The following WDR35 variants were observed in gnomAD, a reference collection of about 807,000 sequenced individuals.
WDR35 encodes the protein WD repeat domain 35, also known as WD repeat-containing protein 35.
Under a neutral mutation model 158.3 loss-of-function variants are expected in WDR35, and 118 were observed. That is an observed-to-expected ratio of 0.75 (90% CI 0.64 to 0.87). The LOEUF is 0.87. Among genes scored for constraint, WDR35 ranks in the 40% least tolerant of loss-of-function variants. The probability of loss-of-function intolerance (pLI) is 0.00; values close to 1 mark genes in which losing one functional copy is unlikely to be tolerated. For synonymous variants in WDR35, 448 were observed against 476.1 expected, an observed-to-expected ratio of 0.94 and a Z score of 0.77; for missense variants, 1,263 against 1,405.8, an observed-to-expected ratio of 0.90 and a Z score of 1.62.
chr2:19,910,669 GT>G lies in WDR35; in HGVS notation c.*2888del, dbSNP rs1269057162. ...TTCTGTTTATGCAACTTCTCACCAGGTAATTGTTTTTTATGGTCAGTTTTGC... is the reference window on the plus strand; with the variant it reads ...TTCTGTTTATGCAACTTCTCACCAGGAATTGTTTTTTATGGTCAGTTTTGC... On this transcript the variant is annotated 3_prime_UTR_variant, in exon 27 of 27. Transcript: ENST00000281405. 6.6e-6 allele frequency: 1 copy of G among 152,126 alleles called. No homozygotes were observed. The highest frequency in any genetic ancestry group is 2.4e-5 in the African/African-American group (1 of 41,412). The allele number at this position is 152,126 out of a possible 1,614,324, so 9.4% of individuals were successfully genotyped here.
At chr2:19,968,548 G>A (rs1436189468) in intron 9 of WDR35, among the ~76,000 whole-genome samples, 1 of 152,104 alleles carries the variant, frequency 6.6e-6, no homozygotes, top group Non-Finnish European at 1.5e-5. Context: ...AAGTGCTCCA[G>A]CTTTGGCCAT....
chr2:19,938,342 A>G lies in WDR35; in HGVS notation c.1986T>C (p.Asp662=). Residue 662 remains aspartate (D), a synonymous_variant, in exon 18 of 27, where the codon GAT becomes GAC. Coordinates refer to ENST00000281405, the MANE Select transcript of WDR35 (RefSeq NM_020779.4). ...LINFEIRSLR[D]SRALIEKVGI... is the part of the protein sequence containing the mutation. ...CAACCTTCTCAATCAGTGCTCGGCTATCTCGCAGAGACCGAATCTCAAAGT... is the reference window on the plus strand; with the variant it reads ...CAACCTTCTCAATCAGTGCTCGGCTGTCTCGCAGAGACCGAATCTCAAAGT... The G allele has an allele frequency of 6.2e-7, 1 of 1,614,084 alleles. No homozygotes were observed. Among genetic ancestry groups the G allele is most frequent in the Non-Finnish European group, 8.5e-7 (1 of 1,180,008 alleles).
intron 25 of WDR35, among the ~76,000 whole-genome samples, chr2:19,916,460 A>C (rs1030207926): frequency 6.6e-6 from 1 of 152,180 alleles, no homozygotes; most frequent in East Asian, 1.9e-4. Flanking sequence ...TCCCACCCCC[A>C]TGGAGCCCAG....
chr2:19,917,823 A>T (rs1670034979), intron 25 of WDR35, among the ~76,000 whole-genome samples: 2 of 152,238 alleles, frequency 1.3e-5, no homozygotes, highest in Admixed American at 1.3e-4. Flanking sequence ...AACACTCTTC[A>T]GGATATTATC....
intron 10 of WDR35, among the ~76,000 whole-genome samples, chr2:19,964,379 TTC>T (rs1187472926): frequency 8.3e-6 from 1 of 121,036 alleles, no homozygotes; most frequent in East Asian, 3.0e-4. Context: ...TTCTTTTCTT[TTC>T]TTTTTTTTTT....
intron 10 of WDR35, among the ~76,000 whole-genome samples, chr2:19,963,886 G>A (rs1239874506): frequency 6.6e-6 from 1 of 152,098 alleles, no homozygotes; most frequent in East Asian, 1.9e-4. Flanking sequence ...TGGGATTACA[G>A]GCACCCGCCA....
At chr2:19,938,781 A>C (rs1366887822) in intron 17 of WDR35, among the ~76,000 whole-genome samples, 1 of 152,182 alleles carries the variant, frequency 6.6e-6, no homozygotes, top group African/African-American at 2.4e-5. Flanking sequence ...AATATTCATC[A>C]TCTCAGAACT....
In WDR35 at chr2:19,938,373, A is replaced by T; in HGVS notation, c.1955T>A (p.Leu652Gln). 1 of 1,614,000 alleles carries T rather than the reference A, an allele frequency of 6.2e-7. No homozygotes were observed. The change falls in exon 18 of 27, where the codon CTA (leucine) becomes CAA (glutamine). Residue 652 changes from leucine to glutamine, a missense_variant. Coordinates refer to ENST00000281405, the MANE Select transcript of WDR35 (RefSeq NM_020779.4). ...KDPEHPNKDYLINFEIRSLRD... is the reference protein window; with the variant it reads ...KDPEHPNKDYQINFEIRSLRD... Reference sequence around the variant, plus strand: ...CAGAGACCGAATCTCAAAGTTAATTAGGTAATCCTTGTTTGGATGTTCTGG... The same window carrying T: ...CAGAGACCGAATCTCAAAGTTAATTTGGTAATCCTTGTTTGGATGTTCTGG...
intron 2 of WDR35, 69 bp from the exon 3 acceptor site, chr2:19,982,603 T>C: frequency 1.3e-6 from 2 of 1,506,690 alleles, no homozygotes; most frequent in Non-Finnish European, 1.8e-6. Flanking sequence ...TTTTGACTCT[T>C]TTTGTATTCC....
At chr2:19,916,408 AG>A (rs1669992607) in intron 25 of WDR35, among the ~76,000 whole-genome samples, 1 of 152,196 alleles carries the variant, frequency 6.6e-6, no homozygotes, top group Non-Finnish European at 1.5e-5. Flanking sequence ...TCCCCTGGAA[AG>A]GGGGCTGAAG....
intron 14 of WDR35, 31 bp from the exon 15 acceptor site, chr2:19,946,601 T>C (rs745949717): frequency 6.4e-7 from 1 of 1,567,528 alleles, no homozygotes; most frequent in African/African-American, 1.4e-5. Context: ...TACTTAAGCA[T>C]ACGTGTATCA....
chr2:19,970,792 A>G (rs1040583293), intron 8 of WDR35, among the ~76,000 whole-genome samples: 8 of 152,036 alleles, frequency 5.3e-5, no homozygotes, highest in African/African-American at 1.9e-4. Flanking sequence ...CAGCTCCCCT[A>G]TCCTTACTGG....
At position 19,910,919 on chromosome 2, in the gene WDR35, G is replaced by A. The variant is rs1275121126; in HGVS notation, c.*2639C>T. Reference sequence around the variant, plus strand: ...GCTTTTACAAAAGTAAAAAAGATGTGCCTGTCTATATACATATGCGCGCAC... The same window carrying A: ...GCTTTTACAAAAGTAAAAAAGATGTACCTGTCTATATACATATGCGCGCAC... On this transcript the variant is annotated 3_prime_UTR_variant, in exon 27 of 27. Transcript: ENST00000281405. 6.6e-6 allele frequency: 1 copy of A among 152,152 alleles called. No individual in the cohort carries two copies. The highest frequency in any genetic ancestry group is 1.5e-5 in the Non-Finnish European group (1 of 68,028). 9.4% of individuals were successfully genotyped at this position (152,152 alleles called of 1,614,324 possible). A position where few individuals can be genotyped will look rare whatever the true frequency, so the allele number is the denominator to read the frequency against.
rs994574938 is a variant in WDR35 at position 19,910,292 on chromosome 2, A to T, written c.*3266T>A. On this transcript the variant is annotated 3_prime_UTR_variant, in exon 27 of 27. Coordinates refer to ENST00000281405, the MANE Select transcript of WDR35 (RefSeq NM_020779.4). ...TTTCTTCAATGTTTATTATTTTCGT[A>T]TTTTTTCACTTAATACTACATAAAA... The T allele has an allele frequency of 7.9e-5, 12 of 152,304 alleles. No individual in the cohort carries two copies. Among genetic ancestry groups the T allele is most frequent in the Admixed American group, 3.3e-4 (5 of 15,306 alleles). 9.4% of individuals were successfully genotyped at this position (152,304 alleles called of 1,614,324 possible).
chr2:19,985,899 G>GAAAA lies in WDR35; in HGVS notation c.142+3262_142+3265dup, dbSNP rs70939024. The stretch of plus-strand genomic sequence containing the variant: ...GCAACAGAGTGAGACCCCATCTCGG[G>GAAAA]AAAAAAAAAAAAAAAAAAAAAAAAA... On this transcript the variant is annotated intron_variant, in intron 2 of 26. Transcript: ENST00000281405. 5.6e-5 allele frequency among the ~76,000 whole-genome samples: 4 copies of GAAAA among 71,164 alleles called. 1 individual carries two copies. Among genetic ancestry groups the GAAAA allele is most frequent in the Non-Finnish European group, 5.8e-5 (2 of 34,300 alleles). 46.7% of individuals were successfully genotyped at this position (71,164 alleles called of 152,430 possible). A position where few individuals can be genotyped will look rare whatever the true frequency, so the allele number is the denominator to read the frequency against.
chr2:19,916,313 G>A (rs189090678), intron 25 of WDR35, among the ~76,000 whole-genome samples: 4 of 152,312 alleles, frequency 2.6e-5, no homozygotes, highest in Admixed American at 6.5e-5. Context: ...CTGGGCGGCC[G>A]TTTGAGCTGA....
intron 9 of WDR35, among the ~76,000 whole-genome samples, chr2:19,967,642 A>T (rs1460140525): frequency 2.0e-5 from 3 of 152,042 alleles, no homozygotes; most frequent in Non-Finnish European, 2.9e-5. Flanking sequence ...TATTATCATG[A>T]TTGTGTTTAC....
intron 11 of WDR35, among the ~76,000 whole-genome samples, chr2:19,954,899 A>C (rs574556365): frequency 1.3e-5 from 2 of 152,338 alleles, no homozygotes; most frequent in East Asian, 1.9e-4. Context: ...AACAACTCAA[A>C]CAACCATTAA....
intron 8 of WDR35, among the ~76,000 whole-genome samples, chr2:19,972,587 C>T (rs189069881): frequency 2.0e-5 from 3 of 151,434 alleles, no homozygotes; most frequent in East Asian, 1.9e-4. Flanking sequence ...TTTACATCTA[C>T]GAGAAATATT....
Sources: gnomAD v4.1 joint callset for allele counts (sites outside exome capture counted in the v4.1 genomes callset) on GRCh38, gnomAD v4.1.1 for gene constraint, MANE v1.5 for transcripts, NCBI Gene and HGNC (gene_info 2026-07-23, HGNC 2026-07-21) for gene names.